Variants in SDK2 observed in about 807,000 individuals in gnomAD.
The protein encoded by SDK2 is protein sidekick-2.
Under a neutral mutation model 253.9 loss-of-function variants are expected in SDK2, and 105 were observed. The ratio of observed to expected loss-of-function variants is 0.41; its 90% CI spans 0.35 to 0.49. SDK2 has a LOEUF of 0.49. Among genes scored for constraint, SDK2 ranks in the 20% least tolerant of loss-of-function variants. The pLI, the probability that SDK2 is intolerant of heterozygous loss-of-function variation, is 0.06. For missense variants in SDK2, 2,608 were observed against 3,003.0 expected, an observed-to-expected ratio of 0.87 and a Z score of 3.07; for synonymous variants, 1,249 against 1,234.9, an observed-to-expected ratio of 1.01 and a Z score of -0.24.
At position 73,398,021 on chromosome 17, in the gene SDK2, C is replaced by G. The variant is rs375099752; in HGVS notation, c.3354+14G>C. On this transcript the variant is annotated intron_variant, in intron 24 of 44. Transcript: ENST00000392650. ...CATGGAGAGGTCCCACCCCTGCCCTCGAGGGAGCCTTACCATCCAGCGCAG... is the reference window on the plus strand; with the variant it reads ...CATGGAGAGGTCCCACCCCTGCCCTGGAGGGAGCCTTACCATCCAGCGCAG... 1.2e-6 allele frequency: 2 copies of G among 1,608,204 alleles called. No homozygotes were observed. Among genetic ancestry groups the G allele is most frequent in the Non-Finnish European group, 1.7e-6 (2 of 1,179,748 alleles).
intron 27 of SDK2, among the ~76,000 whole-genome samples, chr17:73,392,344 A>G (rs1599517329): frequency 6.6e-6 from 1 of 151,046 alleles, no homozygotes; most frequent in Non-Finnish European, 1.5e-5. Context: ...ATCTCAGCTC[A>G]CTGCAAGCTC....
chr17:73,371,214 A>G (rs927180281), intron 36 of SDK2, among the ~76,000 whole-genome samples: 3 of 151,812 alleles, frequency 2.0e-5, no homozygotes, highest in African/African-American at 7.3e-5. Context: ...GGATTTGGAA[A>G]GGTCATGGCT....
chr17:73,544,811 G>GCT (rs1482335296), intron 1 of SDK2, among the ~76,000 whole-genome samples: 5 of 152,200 alleles, frequency 3.3e-5, no homozygotes, highest in Non-Finnish European at 4.4e-5. Context: ...AGGGGTCAGA[G>GCT]CTCGGGTGTG....
intron 8 of SDK2, among the ~76,000 whole-genome samples, chr17:73,436,724 T>C (rs2063372791): frequency 1.3e-5 from 2 of 152,098 alleles, no homozygotes; most frequent in Non-Finnish European, 2.9e-5. Flanking sequence ...TGATGCCACA[T>C]TTCATCCAAT....
At chr17:73,350,624 A>AGCATGGCT (rs2062528813) in intron 42 of SDK2, 26 bp downstream of exon 42, 1 of 1,602,840 alleles carries the variant, frequency 6.2e-7, no homozygotes, top group South Asian at 1.1e-5. Context: ...AAGTCCAGCC[A>AGCATGGCT]GCATGGCTGG....
intron 1 of SDK2, among the ~76,000 whole-genome samples, chr17:73,601,912 T>A (rs2045847299): frequency 6.6e-6 from 1 of 152,020 alleles, no homozygotes; most frequent in South Asian, 2.1e-4. Context: ...CCCGGCTAAT[T>A]TTTGTATCTT....
rs537135208 is a variant in SDK2 at position 73,372,820 on chromosome 17, G to A, written c.4981-4227C>T. The stretch of plus-strand genomic sequence containing the variant: ...ATGTGTTTAAGGTATACAACATGGT[G>A]TTCTGATATACACATGCATTATGAA... On this transcript the variant is annotated intron_variant, in intron 36 of 44. Transcript: ENST00000392650. Among the ~76,000 whole-genome samples, 4 of 152,262 alleles carry A rather than the reference G, an allele frequency of 2.6e-5. No individual in the cohort carries two copies. The South Asian group carries it at 8.3e-4, about 32-fold the overall frequency.
At chr17:73,488,524 C>T (rs2063783953) in intron 2 of SDK2, among the ~76,000 whole-genome samples, 3 of 151,858 alleles carry the variant, frequency 2.0e-5, no homozygotes, top group Admixed American at 2.0e-4. Context: ...CAGTTGTGCA[C>T]AAAATGCACA....
intron 1 of SDK2, among the ~76,000 whole-genome samples, chr17:73,634,766 T>C (rs1439768645): frequency 6.6e-6 from 1 of 152,116 alleles, no homozygotes; most frequent in Non-Finnish European, 1.5e-5. Flanking sequence ...CTAAGGACAA[T>C]GACATGACAA....
rs548964236 is a variant in SDK2 at position 73,644,269 on chromosome 17, C to T, written c.-181G>A. Among the ~76,000 whole-genome samples the T allele has an allele frequency of 4.6e-5, 7 of 152,290 alleles. No homozygotes were observed. The highest frequency in any genetic ancestry group is 1.3e-4 in the Admixed American group (2 of 15,308). On this transcript the variant is annotated 5_prime_UTR_variant, in exon 1 of 45. Coordinates refer to ENST00000392650, the MANE Select transcript of SDK2 (RefSeq NM_001144952.2). This position sits in a 1 kb window ranked among gnomAD's most constrained non-coding sequence, Gnocchi z 6.3. ...CTTGGCTACCCCAACCCTTCCTCCT[C>T]TTCTGTACTAGTCCGAGCCCGGCAG...
chr17:73,472,321 G>A, intron 2 of SDK2, 103 bp from the exon 3 acceptor site: 2 of 724,640 alleles, frequency 2.8e-6, no homozygotes, highest in South Asian at 1.6e-5. Flanking sequence ...ACCCTCTTTT[G>A]GAATAAGAGT....
chr17:73,578,729 C>G (rs912569884), intron 1 of SDK2, among the ~76,000 whole-genome samples: 9 of 152,276 alleles, frequency 5.9e-5, no homozygotes, highest in Non-Finnish European at 1.2e-4. Flanking sequence ...GTGTGAGAGG[C>G]TGAGTTAGCT....
chr17:73,456,052 G>A lies in SDK2; in HGVS notation c.333C>T (p.Tyr111=), dbSNP rs529833557. Residue 111 remains tyrosine (Y), a splice_region_variant and synonymous_variant, in exon 4 of 45, where the codon TAC becomes TAT. Coordinates refer to ENST00000392650, the MANE Select transcript of SDK2 (RefSeq NM_001144952.2). ...LQRQTEVQVA[Y]MGSFEEGEKH... ...TCTCACCTTCCTCAAAGCTCCCCAT[G>A]TCTGCAGCCGGGACAACGGCAGTAG... is the stretch of plus-strand genomic sequence containing the variant. 1.3e-6 allele frequency: 2 copies of A among 1,490,476 alleles called. No individual in the cohort carries two copies. The highest frequency in any genetic ancestry group is 9.0e-7 in the Non-Finnish European group (1 of 1,112,316). The allele number at this position is 1,490,476 out of a possible 1,614,324, so 92.3% of individuals were successfully genotyped here.
intron 1 of SDK2, among the ~76,000 whole-genome samples, chr17:73,594,708 T>C (rs1175934543): frequency 6.6e-6 from 1 of 151,884 alleles, no homozygotes; most frequent in African/African-American, 2.4e-5. Context: ...CACAAATACA[T>C]GCACAAATAC....
intron 22 of SDK2, among the ~76,000 whole-genome samples, chr17:73,398,954 G>A (rs781713273): frequency 6.6e-6 from 1 of 152,218 alleles, no homozygotes; most frequent in Non-Finnish European, 1.5e-5. Flanking sequence ...CGACCCAGGA[G>A]GGGACTGTAG....
intron 38 of SDK2, among the ~76,000 whole-genome samples, chr17:73,364,177 T>C (rs1225818207): frequency 1.3e-5 from 2 of 152,104 alleles, no homozygotes; most frequent in African/African-American, 2.4e-5. Context: ...CCCATCCTCA[T>C]AGGATGGTTG....
At chr17:73,611,224 T>A (rs56104919) in intron 1 of SDK2, among the ~76,000 whole-genome samples, 19,098 of 150,862 alleles carry the variant, frequency 0.13, 1,524 homozygotes, top group South Asian at 0.25. Flanking sequence ...TTTATCCCAC[T>A]CTCTCTCTCT....
rs1413615949 is a variant in SDK2 at position 73,481,357 on chromosome 17, CT to C, written c.225-9140del. 6.6e-6 allele frequency among the ~76,000 whole-genome samples: 1 copy of C among 152,140 alleles called. No individual in the cohort carries two copies. The highest frequency in any genetic ancestry group is 1.5e-5 in the Non-Finnish European group (1 of 68,024). On this transcript the variant is annotated intron_variant, in intron 2 of 44. Transcript: ENST00000392650. The surrounding 1 kb of genome is among the most constrained non-coding windows in gnomAD (Gnocchi z 4.5). ...CAGTGGACAGAACAGGGAGGAACCC[CT>C]GACTCTGATGTGATGGTTAATTTTA...
intron 30 of SDK2, among the ~76,000 whole-genome samples, chr17:73,387,170 G>C (rs1225448932): frequency 6.6e-6 from 1 of 152,226 alleles, no homozygotes; most frequent in African/African-American, 2.4e-5. Context: ...ATGTTGGCCA[G>C]ACTGGTTTCA....
Sources: allele counts gnomAD v4.1 joint callset (sites outside exome capture counted in the v4.1 genomes callset), GRCh38; gene constraint gnomAD v4.1.1; non-coding constraint Gnocchi (gnomAD v3.1); transcripts MANE v1.5; gene names NCBI Gene and HGNC (gene_info 2026-07-23, HGNC 2026-07-21).